CSMD1: variants seen among roughly 807,000 people sequenced by gnomAD.
The protein encoded by CSMD1 is CUB and Sushi multiple domains 1, also known as CUB and sushi domain-containing protein 1.
In CSMD1, 213 loss-of-function variants were observed where a neutral mutation model predicts 417.5. The observed-to-expected ratio is 0.51, with a 90% CI of 0.46 to 0.57. The LOEUF (loss-of-function observed/expected upper bound fraction) is 0.57. CSMD1 is among the 20% of genes least tolerant of loss of function. The pLI is 0.00. For missense variants in CSMD1, 6,923 were observed against 4,529.7 expected (o/e 1.53, Z -15.17); for synonymous variants, 2,862 against 1,736.8 (o/e 1.65, Z -16.11).
chr8:3,211,525 G>C (rs928810377), intron 30 of CSMD1, among the ~76,000 whole-genome samples: 2 of 152,184 alleles, frequency 1.3e-5, no homozygotes, highest in African/African-American at 2.4e-5. Flanking sequence ...CATCAAAATG[G>C]TTTTGGAAAC....
At chr8:3,670,959 GA>G (rs1348126858) in intron 7 of CSMD1, among the ~76,000 whole-genome samples, 11 of 117,576 alleles carry the variant, frequency 9.4e-5, no homozygotes, top group South Asian at 2.9e-4. Flanking sequence ...ATGTGTATGG[GA>G]TATATGTATA....
At chr8:3,951,630 A>AT (rs1811608307) in intron 5 of CSMD1, among the ~76,000 whole-genome samples, 1 of 152,222 alleles carries the variant, frequency 6.6e-6, no homozygotes, top group Non-Finnish European at 1.5e-5. Context: ...GCTGACAAAA[A>AT]TATTGGAAGA....
At chr8:2,985,471 G>A (rs1039575703) in intron 54 of CSMD1, among the ~76,000 whole-genome samples, 4 of 152,186 alleles carry the variant, frequency 2.6e-5, no homozygotes, top group African/African-American at 7.2e-5. Flanking sequence ...AGACTGGTGT[G>A]ATACTGCTAC....
intron 5 of CSMD1, among the ~76,000 whole-genome samples, chr8:3,786,070 C>G (rs1025745708): frequency 2.0e-5 from 3 of 152,040 alleles, no homozygotes; most frequent in African/African-American, 7.2e-5. Flanking sequence ...TGAGAATGAG[C>G]AGGCCTCATT....
chr8:4,856,740 A>T (rs1205430665), intron 1 of CSMD1, among the ~76,000 whole-genome samples: 1 of 149,920 alleles, frequency 6.7e-6, no homozygotes, highest in Non-Finnish European at 1.5e-5. Context: ...TATGCACCCA[A>T]TACAGGAGCA....
At chr8:4,105,255 G>C (rs760798362) in intron 3 of CSMD1, among the ~76,000 whole-genome samples, 5 of 151,974 alleles carry the variant, frequency 3.3e-5, no homozygotes, top group African/African-American at 7.3e-5. Flanking sequence ...ATTGATCAAC[G>C]GCCGTATTCA....
chr8:3,535,670 T>C (rs1222008207), intron 10 of CSMD1, among the ~76,000 whole-genome samples: 7 of 152,348 alleles, frequency 4.6e-5, no homozygotes, highest in East Asian at 3.9e-4. Flanking sequence ...ACAAAATCTA[T>C]GCATGTAACA....
intron 49 of CSMD1, among the ~76,000 whole-genome samples, chr8:3,060,632 T>C (rs1475481240): frequency 6.6e-6 from 1 of 152,254 alleles, no homozygotes; most frequent in Non-Finnish European, 1.5e-5. Flanking sequence ...TGTTTCACTT[T>C]CTCCATCAAC....
chr8:4,413,172 A>T lies in CSMD1; in HGVS notation c.415+6781T>A, dbSNP rs1796741613. Among the ~76,000 whole-genome samples the T allele has an allele frequency of 2.0e-5, 3 of 152,224 alleles. No homozygotes were observed. In the South Asian group the frequency reaches 6.2e-4, roughly 32 times the overall value. On this transcript the variant is annotated intron_variant, in intron 3 of 69. Coordinates refer to ENST00000635120, the MANE Select transcript of CSMD1 (RefSeq NM_033225.6). ...CAGTGGACCAGAATAATCAGAGTTA[A>T]CACCTTAAATTCACAAACATCCCAG... is the stretch of plus-strand genomic sequence containing the variant.
chr8:4,086,199 G>A lies in CSMD1; in HGVS notation c.416-54100C>T, dbSNP rs77019945. Among the ~76,000 whole-genome samples, 40 of 152,076 alleles carry A rather than the reference G, an allele frequency of 2.6e-4. 2 individuals are homozygous for A. The East Asian group carries it at 7.7e-3, about 29-fold the overall frequency. On this transcript the variant is annotated intron_variant, in intron 3 of 69. Transcript: ENST00000635120. ...ATTTACTCAATAATAAAACCTTACAGCTACAAAGTATCACATCACTCTTCT... is the reference window on the plus strand; with the variant it reads ...ATTTACTCAATAATAAAACCTTACAACTACAAAGTATCACATCACTCTTCT...
intron 3 of CSMD1, among the ~76,000 whole-genome samples, chr8:4,301,144 G>C (rs978252629): frequency 1.3e-5 from 2 of 152,250 alleles, no homozygotes; most frequent in East Asian, 1.9e-4. Flanking sequence ...GAATGAGCAG[G>C]AGCATTGTTG....
At chr8:3,170,143 T>G (rs1820486232) in intron 37 of CSMD1, among the ~76,000 whole-genome samples, 2 of 152,274 alleles carry the variant, frequency 1.3e-5, no homozygotes, top group Admixed American at 1.3e-4. Context: ...GTAAATTTGC[T>G]TTGCTGAGAA....
At chr8:3,775,279 G>A (rs886274873) in intron 5 of CSMD1, among the ~76,000 whole-genome samples, 3 of 152,244 alleles carry the variant, frequency 2.0e-5, no homozygotes, top group South Asian at 4.1e-4. Context: ...TAAAGACAGT[G>A]AAAAATAAGT....
At chr8:4,697,278 A>C (rs1664633172) in intron 1 of CSMD1, among the ~76,000 whole-genome samples, 1 of 152,206 alleles carries the variant, frequency 6.6e-6, no homozygotes, top group Admixed American at 6.5e-5. Flanking sequence ...TAGCAAGACA[A>C]GATGAAAACA....
At chr8:4,204,005 G>T (rs1484292525) in intron 3 of CSMD1, among the ~76,000 whole-genome samples, 4 of 152,136 alleles carry the variant, frequency 2.6e-5, no homozygotes, top group African/African-American at 4.8e-5. Flanking sequence ...GAAGACTGAG[G>T]CATCAGAATC....
At chr8:4,300,992 A>T (rs575169025) in intron 3 of CSMD1, among the ~76,000 whole-genome samples, 2 of 152,192 alleles carry the variant, frequency 1.3e-5, no homozygotes, top group Non-Finnish European at 2.9e-5. Context: ...CACTATAAAC[A>T]TAAGTGTGCA....
intron 10 of CSMD1, among the ~76,000 whole-genome samples, chr8:3,530,473 T>C (rs966517823): frequency 5.9e-5 from 9 of 152,244 alleles, no homozygotes; most frequent in Admixed American, 3.3e-4. Flanking sequence ...CTAGCTTTCC[T>C]TCTGCTATTA....
chr8:3,616,118 A>G (rs1164396106), intron 8 of CSMD1, among the ~76,000 whole-genome samples: 1 of 152,174 alleles, frequency 6.6e-6, no homozygotes, highest in Non-Finnish European at 1.5e-5. Context: ...CTATCTTTAA[A>G]CATTAAAAGA....
intron 5 of CSMD1, among the ~76,000 whole-genome samples, chr8:3,844,606 G>C (rs79441262): frequency 0.016 from 2,360 of 152,200 alleles, 56 homozygotes; most frequent in African/African-American, 0.053. Context: ...AGGCAAGGGG[G>C]TGTCCTCCCA....
Sources: allele counts gnomAD v4.1 joint callset (sites outside exome capture counted in the v4.1 genomes callset), GRCh38; gene constraint gnomAD v4.1.1; transcripts MANE v1.5; gene names NCBI Gene and HGNC (gene_info 2026-07-23, HGNC 2026-07-21).